The following GRIA1 variants were observed in gnomAD, a reference collection of about 807,000 sequenced individuals.
GRIA1 encodes glutamate receptor 1.
GRIA1 carries 31 observed loss-of-function variants against 99.2 expected under a neutral mutation model. The ratio of observed to expected loss-of-function variants is 0.31; its 90% CI spans 0.23 to 0.42. The LOEUF (loss-of-function observed/expected upper bound fraction) is 0.42. Among genes scored for constraint, GRIA1 ranks in the 10% least tolerant of loss-of-function variants. The pLI is 1.00. For missense variants in GRIA1, 782 were observed against 1,157.5 expected, an observed-to-expected ratio of 0.68 and a Z score of 4.71; for synonymous variants, 438 against 432.4, an observed-to-expected ratio of 1.01 and a Z score of -0.16.
rs186864693 is a variant in GRIA1 at position 153,769,367 on chromosome 5, A to C, written c.2023-801A>C. Among the ~76,000 whole-genome samples, 3 of 152,260 alleles carry C rather than the reference A, an allele frequency of 2.0e-5. No individual in the cohort carries two copies. The East Asian group carries it at 5.8e-4, about 29-fold the overall frequency. Reference sequence around the variant, plus strand: ...GATGTACATGATAATGGTGCCTACTAGAGTCTAAAAACCATTGCCTTTGGA... The same window carrying C: ...GATGTACATGATAATGGTGCCTACTCGAGTCTAAAAACCATTGCCTTTGGA... On this transcript the variant is annotated intron_variant, in intron 12 of 15. Coordinates refer to ENST00000285900, the MANE Select transcript of GRIA1 (RefSeq NM_000827.4).
chr5:153,721,696 T>C (rs1453157524), intron 11 of GRIA1, among the ~76,000 whole-genome samples: 1 of 152,228 alleles, frequency 6.6e-6, no homozygotes, highest in Non-Finnish European at 1.5e-5. Context: ...ATAGTTGTAG[T>C]TCATTCATTC....
chr5:153,745,358 T>A (rs1762077792), intron 11 of GRIA1, among the ~76,000 whole-genome samples: 1 of 150,864 alleles, frequency 6.6e-6, no homozygotes, highest in South Asian at 2.1e-4. Context: ...GAGGCCAAGG[T>A]GAGTGGGTCA....
intron 13 of GRIA1, among the ~76,000 whole-genome samples, chr5:153,778,489 C>T (rs913593929): frequency 6.6e-6 from 1 of 151,888 alleles, no homozygotes; most frequent in East Asian, 1.9e-4. Flanking sequence ...CTAACAACAC[C>T]GTGGAGGTAA....
chr5:153,491,624 C>A (rs472792), intron 1 of GRIA1, among the ~76,000 whole-genome samples: 117,501 of 151,730 alleles, frequency 0.77, 46,242 homozygotes, highest in African/African-American at 0.92. Flanking sequence ...GGAACTTCCT[C>A]GCCTGCCTTT....
chr5:153,672,735 C>T (rs557337206), intron 5 of GRIA1, among the ~76,000 whole-genome samples: 1 of 152,084 alleles, frequency 6.6e-6, no homozygotes, highest in African/African-American at 2.4e-5. Context: ...GAGCTGGGAC[C>T]GCTGCTCTAA....
intron 2 of GRIA1, among the ~76,000 whole-genome samples, chr5:153,581,807 G>A (rs1446070058): frequency 4.0e-5 from 6 of 149,046 alleles, no homozygotes; most frequent in Non-Finnish European, 7.4e-5. Flanking sequence ...ATGGTGTGCA[G>A]TGGCATGATC....
chr5:153,676,909 G>T, intron 6 of GRIA1, 85 bp from the exon 7 acceptor site: 1 of 1,163,270 alleles, frequency 8.6e-7, no homozygotes, highest in Non-Finnish European at 1.1e-6. Flanking sequence ...CTCATCACCA[G>T]AAAACACATT....
chr5:153,672,602 T>G (rs1756271227), intron 5 of GRIA1, among the ~76,000 whole-genome samples: 1 of 148,068 alleles, frequency 6.8e-6, no homozygotes, highest in African/African-American at 2.5e-5. Flanking sequence ...CGCAGAACTT[T>G]AGAGGCATAG....
In GRIA1 at chr5:153,686,348, T is replaced by C. The variant is rs753689889; in HGVS notation, c.1134+19T>C. The C allele has an allele frequency of 6.3e-7, 1 of 1,580,344 alleles. No individual in the cohort carries two copies. Among genetic ancestry groups the C allele is most frequent in the Non-Finnish European group, 8.7e-7 (1 of 1,149,566 alleles). On this transcript the variant is annotated intron_variant, in intron 8 of 15. Coordinates refer to ENST00000285900, the MANE Select transcript of GRIA1 (RefSeq NM_000827.4). Reference sequence around the variant, plus strand: ...CCGAAAGGTAAGGTCCCCCTTTACTTCTGTTCTGCAGAGAGAAGAGGCTGA... The same window carrying C: ...CCGAAAGGTAAGGTCCCCCTTTACTCCTGTTCTGCAGAGAGAAGAGGCTGA...
chr5:153,746,230 G>A lies in GRIA1; in HGVS notation c.1824-18204G>A, dbSNP rs190080664. Among the ~76,000 whole-genome samples, 33 of 152,152 alleles carry A rather than the reference G, an allele frequency of 2.2e-4. 1 individual carries two copies. The highest frequency in any genetic ancestry group is 3.1e-4 in the Non-Finnish European group (21 of 68,038). On this transcript the variant is annotated intron_variant, in intron 11 of 15. Coordinates refer to ENST00000285900, the MANE Select transcript of GRIA1 (RefSeq NM_000827.4). ...CTGAGTAAAGAGAGGAAGAGAGACT[G>A]TTTCCTGCCTCCGACTGCTGTTCTG... is the stretch of plus-strand genomic sequence containing the variant.
intron 2 of GRIA1, among the ~76,000 whole-genome samples, chr5:153,614,754 TACC>T (rs1196514409): frequency 1.3e-5 from 2 of 152,232 alleles, no homozygotes; most frequent in East Asian, 3.8e-4. Flanking sequence ...GCCTCTCAGG[TACC>T]ACCAGAATGC....
chr5:153,799,884 C>T (rs1765892004), intron 14 of GRIA1, among the ~76,000 whole-genome samples: 1 of 152,124 alleles, frequency 6.6e-6, no homozygotes, highest in Non-Finnish European at 1.5e-5. Flanking sequence ...CCTTTCCACC[C>T]CCCGTCCATA....
At chr5:153,496,994 C>A (rs1754500621) in intron 2 of GRIA1, among the ~76,000 whole-genome samples, 1 of 151,916 alleles carries the variant, frequency 6.6e-6, no homozygotes, top group Admixed American at 6.6e-5. Flanking sequence ...TGTAATGGGA[C>A]CTGTTCATGC....
intron 5 of GRIA1, among the ~76,000 whole-genome samples, chr5:153,666,732 A>C (rs1243204324): frequency 6.6e-6 from 1 of 152,232 alleles, no homozygotes; most frequent in Non-Finnish European, 1.5e-5. Flanking sequence ...TATGAGGATT[A>C]AATGAGATAA....
chr5:153,504,189 A>G lies in GRIA1; in HGVS notation c.220+10124A>G, dbSNP rs1755269122. Among the ~76,000 whole-genome samples the G allele has an allele frequency of 1.3e-5, 2 of 152,026 alleles. 1 individual carries two copies. Among genetic ancestry groups the G allele is most frequent in the African/African-American group, 4.8e-5 (2 of 41,380 alleles). On this transcript the variant is annotated intron_variant, in intron 2 of 15. Coordinates refer to ENST00000285900, the MANE Select transcript of GRIA1 (RefSeq NM_000827.4). ...TTTTAGAGCTTGGGGTAGTGAGAAG[A>G]ACCAAAAGATTGTGGATTTAAGCCA...
chr5:153,715,625 G>A (rs542457478), intron 11 of GRIA1, among the ~76,000 whole-genome samples: 1 of 152,134 alleles, frequency 6.6e-6, no homozygotes, highest in South Asian at 2.1e-4. Flanking sequence ...CTTGCACGGG[G>A]GTGACACACT....
At chr5:153,680,156 AAAC>A in intron 7 of GRIA1, among the ~76,000 whole-genome samples, 1 of 152,146 alleles carries the variant, frequency 6.6e-6, no homozygotes, top group Non-Finnish European at 1.5e-5. Context: ...GGGCACGGCC[AAAC>A]AGGGAAGACA....
rs188143917 is a variant in GRIA1, at chr5:153,690,246, A to G, written c.1134+3917A>G. Among the ~76,000 whole-genome samples the G allele has an allele frequency of 1.4e-3, 208 of 151,386 alleles. 1 individual carries two copies. The highest frequency in any genetic ancestry group is 4.9e-3 in the African/African-American group (204 of 41,392). Reference sequence around the variant, plus strand: ...TACTAAGGAAAGAAGATGGAAGTAAAAGGAATACAAATAATATAATATAAT... The same window carrying G: ...TACTAAGGAAAGAAGATGGAAGTAAGAGGAATACAAATAATATAATATAAT... On this transcript the variant is annotated intron_variant, in intron 8 of 15. Coordinates refer to ENST00000285900, the MANE Select transcript of GRIA1 (RefSeq NM_000827.4).
At chr5:153,580,571 C>T (rs942539334) in intron 2 of GRIA1, among the ~76,000 whole-genome samples, 5 of 152,146 alleles carry the variant, frequency 3.3e-5, no homozygotes, top group African/African-American at 9.7e-5. Context: ...GTTTAAAATA[C>T]CCATCCAGTA....
Sources: allele counts gnomAD v4.1 joint callset (sites outside exome capture counted in the v4.1 genomes callset), GRCh38; gene constraint gnomAD v4.1.1; transcripts MANE v1.5; gene names NCBI Gene and HGNC (gene_info 2026-07-23, HGNC 2026-07-21).